Variants in CCDC197 observed in about 807,000 individuals in gnomAD.
CCDC197 encodes coiled-coil domain containing 197, also known as uncharacterized protein CCDC197.
Under a neutral mutation model 13.4 loss-of-function variants are expected in CCDC197, and 24 were observed. That is an observed-to-expected ratio of 1.80 (90% CI 1.30 to 2.53). The LOEUF (loss-of-function observed/expected upper bound fraction) is 2.53, where lower values mean the gene tolerates loss of function less well. Among genes scored for constraint, CCDC197 ranks in the 30% most tolerant of loss-of-function variants. The pLI is 0.00. For missense variants in CCDC197, 255 were observed against 148.8 expected (o/e 1.71, Z -3.71); for synonymous variants, 99 against 55.5 (o/e 1.78, Z -3.48).
At chr14:94,010,620 G>C (rs2144314), downstream of CCDC197, among the ~76,000 whole-genome samples, 13,331 of 152,274 alleles carry the variant, frequency 0.088, 584 homozygotes, top group Middle Eastern at 0.17. Flanking sequence ...GATCTCAGAA[G>C]GAAGAGGCTG....
chr14:93,991,379 A>T (rs1890208347), intron 1 of CCDC197, among the ~76,000 whole-genome samples: 1 of 152,188 alleles, frequency 6.6e-6, no homozygotes, highest in Non-Finnish European at 1.5e-5. Flanking sequence ...GCTCCATCAC[A>T]TAGGCAATGT....
Position 93,997,321 on chromosome 14 carries a change from C to T in CCDC197, c.-384C>T, listed in dbSNP as rs189535609. 5.0e-4 allele frequency: 76 copies of T among 152,438 alleles called. No homozygotes were observed. Among genetic ancestry groups the T allele is most frequent in the African/African-American group, 1.8e-3 (73 of 41,570 alleles). 9.4% of individuals were successfully genotyped at this position (152,438 alleles called of 1,614,324 possible). A position where few individuals can be genotyped will look rare whatever the true frequency, so the allele number is the denominator to read the frequency against. ...GAGTCAGCTAGGCCCCTTCCTCCTC[C>T]AGTGCCTGTCTACCTATGTTTGATG... On this transcript the variant is annotated 5_prime_UTR_variant, in exon 1 of 7. Coordinates refer to ENST00000636493, the MANE Select transcript of CCDC197 (RefSeq NM_001351596.2).
intron 4 of CCDC197, among the ~76,000 whole-genome samples, chr14:94,002,306 G>A (rs138870421): frequency 1.3e-3 from 198 of 149,742 alleles, no homozygotes; most frequent in Non-Finnish European, 2.6e-3. Flanking sequence ...CATTTTTTTG[G>A]GAGACAGGGT....
upstream of CCDC197, among the ~76,000 whole-genome samples, chr14:93,995,716 C>T (rs1051803436): frequency 4.6e-5 from 7 of 152,272 alleles, 1 homozygote; most frequent in South Asian, 4.1e-4. Context: ...ATTCTGGGGG[C>T]GCCTCCCTGA....
upstream of CCDC197, among the ~76,000 whole-genome samples, chr14:93,992,962 G>A (rs1403959872): frequency 1.3e-5 from 2 of 152,200 alleles, no homozygotes; most frequent in African/African-American, 2.4e-5. Context: ...GGAGGGGATA[G>A]AGGTAGACTG....
intron 1 of CCDC197, among the ~76,000 whole-genome samples, 170 bp from the exon 2 acceptor site, chr14:93,997,829 G>A (rs1031435645): frequency 1.3e-5 from 2 of 152,216 alleles, no homozygotes; most frequent in African/African-American, 2.4e-5. Flanking sequence ...AGGGCCGCAA[G>A]TGAAACAAGG....
At chr14:93,994,735 T>C (rs1205303196), upstream of CCDC197, among the ~76,000 whole-genome samples, 8 of 152,206 alleles carry the variant, frequency 5.3e-5, no homozygotes, top group African/African-American at 1.2e-4. Context: ...AGAAAAGTCC[T>C]GGAATTTTTG....
chr14:93,993,856 G>A (rs532593083), upstream of CCDC197, among the ~76,000 whole-genome samples: 1 of 152,186 alleles, frequency 6.6e-6, no homozygotes, highest in Non-Finnish European at 1.5e-5. Context: ...CAAGGCCCAG[G>A]GGGTAGAGGC....
rs1239572402 is a variant in CCDC197, at chr14:94,001,328, C to T, written c.366+5C>T. ...GACCACAGGGCTCTCATGTTGGTAACAGCTGCTTGAAGTCTGCTCCATTCC... is the reference window on the plus strand; with the variant it reads ...GACCACAGGGCTCTCATGTTGGTAATAGCTGCTTGAAGTCTGCTCCATTCC... On this transcript the variant is annotated splice_donor_5th_base_variant and intron_variant, in intron 4 of 6. Transcript: ENST00000636493. 1 of 765,168 alleles carries T rather than the reference C, an allele frequency of 1.3e-6. No individual in the cohort carries two copies. The highest frequency in any genetic ancestry group is 2.4e-6 in the Non-Finnish European group (1 of 409,460). The allele number at this position is 765,168 out of a possible 1,614,324, so 47.4% of individuals were successfully genotyped here. A position where few individuals can be genotyped will look rare whatever the true frequency, so the allele number is the denominator to read the frequency against.
At chr14:94,008,955 G>T, downstream of CCDC197, 2 of 579,352 alleles carry the variant, frequency 3.5e-6, no homozygotes, top group Admixed American at 2.9e-5. Flanking sequence ...CTCAGCTAGG[G>T]TTGGGGGTGC....
chr14:93,999,743 G>T, intron 3 of CCDC197, 78 bp downstream of exon 3: 1 of 756,570 alleles, frequency 1.3e-6, no homozygotes, highest in Non-Finnish European at 2.5e-6. Flanking sequence ...ACCGTGTGTG[G>T]CCTCATGGAG....
At chr14:93,996,212 G>A (rs1292572030), upstream of CCDC197, among the ~76,000 whole-genome samples, 1 of 151,992 alleles carries the variant, frequency 6.6e-6, no homozygotes, top group African/African-American at 2.4e-5. Flanking sequence ...CCTCCCTCCT[G>A]AGTCTGAACC....
intron 1 of CCDC197, among the ~76,000 whole-genome samples, chr14:93,988,475 A>G (rs1196726729): frequency 2.4e-4 from 3 of 12,610 alleles, no homozygotes; most frequent in African/African-American, 4.1e-4. Context: ...GATGGGAGAC[A>G]AGATGGGAGG....
At chr14:94,000,517 C>T (rs1041295272) in intron 3 of CCDC197, among the ~76,000 whole-genome samples, 1 of 152,120 alleles carries the variant, frequency 6.6e-6, no homozygotes, top group Non-Finnish European at 1.5e-5. Flanking sequence ...GGAGAATGAC[C>T]CTCAGGCAGA....
intron 1 of CCDC197, among the ~76,000 whole-genome samples, chr14:93,989,485 G>A (rs1890169096): frequency 6.6e-6 from 1 of 152,182 alleles, no homozygotes; most frequent in Non-Finnish European, 1.5e-5. Flanking sequence ...GCCCTGGCAT[G>A]CTCAGTGGGG....
chr14:94,001,486 C>A, intron 4 of CCDC197, 163 bp downstream of exon 4: 1 of 548,262 alleles, frequency 1.8e-6, no homozygotes, highest in Non-Finnish European at 3.2e-6. Flanking sequence ...TCCATATCCC[C>A]TTCCTCTCCC....
At chr14:94,002,868 C>A (rs59794820) in intron 4 of CCDC197, among the ~76,000 whole-genome samples, 1,390 of 118,998 alleles carry the variant, frequency 0.012, 25 homozygotes, top group African/African-American at 0.038. Context: ...AAAAAAAAAA[C>A]AAAATTATAA....
In CCDC197 at chr14:94,004,906, T is replaced by G; in HGVS notation, c.550T>G (p.Cys184Gly). 2 of 702,998 alleles carry G rather than the reference T, an allele frequency of 2.8e-6. No individual in the cohort carries two copies. Among genetic ancestry groups the G allele is most frequent in the Non-Finnish European group, 5.2e-6 (2 of 385,004 alleles). The allele number at this position is 702,998 out of a possible 1,614,324, so 43.5% of individuals were successfully genotyped here. Residue 184 changes from cysteine to glycine, a missense_variant, in exon 6 of 7, where the codon TGC becomes GGC. Transcript: ENST00000636493. ...GACCATCACCAACATGGCCCGGCAG[T>G]GCTGCCCCTCTGCCCACGGCGTGCC... ...QMTITNMARQCCPSAHGVPKS... is the reference protein window; with the variant it reads ...QMTITNMARQGCPSAHGVPKS...
intron 1 of CCDC197, among the ~76,000 whole-genome samples, chr14:93,989,044 T>C (rs554251467): frequency 1.3e-5 from 2 of 152,020 alleles, no homozygotes; most frequent in Non-Finnish European, 2.9e-5. Flanking sequence ...ACAAAGAGAT[T>C]GTGTAAACTG....
Sources: allele counts gnomAD v4.1 joint callset (sites outside exome capture counted in the v4.1 genomes callset), GRCh38; gene constraint gnomAD v4.1.1; transcripts MANE v1.5; gene names NCBI Gene and HGNC (gene_info 2026-07-23, HGNC 2026-07-21).